HOXA3: variants seen among roughly 807,000 people sequenced by gnomAD.
The protein encoded by HOXA3 is homeobox protein Hox-A3.
HOXA3 carries 8 observed loss-of-function variants against 30.3 expected under a neutral mutation model. That is an observed-to-expected ratio of 0.26 (90% CI 0.15 to 0.48). HOXA3 has a LOEUF of 0.48. Among genes scored for constraint, HOXA3 ranks in the 20% least tolerant of loss-of-function variants. The pLI, the probability that HOXA3 is intolerant of heterozygous loss-of-function variation, is 0.99. For synonymous variants in HOXA3, 323 were observed against 273.1 expected (o/e 1.18, Z -1.80); for missense variants, 653 against 614.4 (o/e 1.06, Z -0.66).
At chr7:27,146,513 A>G (rs1387524474) in intron 1 of HOXA3, among the ~76,000 whole-genome samples, 1 of 152,222 alleles carries the variant, frequency 6.6e-6, no homozygotes, top group African/African-American at 2.4e-5. Flanking sequence ...AATTTTAACA[A>G]TCCGCATTAG....
intron 1 of HOXA3, chr7:27,145,469 T>G: frequency 8.3e-6 from 6 of 719,706 alleles, no homozygotes; most frequent in East Asian, 2.6e-5. Context: ...TTTGTTTTGT[T>G]TTGTTTTGTT....
intron 3 of HOXA3, among the ~76,000 whole-genome samples, chr7:27,125,523 G>A (rs577133319): frequency 1.3e-5 from 2 of 152,316 alleles, no homozygotes; most frequent in South Asian, 2.1e-4. Flanking sequence ...CAGAACACAC[G>A]TCTCTTCCTC....
In HOXA3 at chr7:27,113,044, C is replaced by T. The variant is rs1784466314; in HGVS notation, c.-120-2284G>A. Among the ~76,000 whole-genome samples the T allele has an allele frequency of 6.6e-6, 1 of 152,126 alleles. No homozygotes were observed. On this transcript the variant is annotated intron_variant, in intron 4 of 5. Coordinates refer to ENST00000612286, the MANE Select transcript of HOXA3 (RefSeq NM_153631.3). This position sits in a 1 kb window ranked among gnomAD's most constrained non-coding sequence, Gnocchi z 4.8. The stretch of plus-strand genomic sequence containing the variant: ...CCTTGGAGCTCATACATCCCCCCAC[C>T]CCAACCCAGCCCCCAAAGTTTGCAA...
intron 3 of HOXA3, among the ~76,000 whole-genome samples, chr7:27,124,782 C>A (rs1785207186): frequency 6.6e-6 from 1 of 152,146 alleles, no homozygotes; most frequent in Admixed American, 6.5e-5. Flanking sequence ...AACCAGGGTC[C>A]TTTTTTTGGC....
intron 3 of HOXA3, among the ~76,000 whole-genome samples, chr7:27,125,800 A>G (rs1785256532): frequency 6.6e-6 from 1 of 152,170 alleles, no homozygotes; most frequent in Non-Finnish European, 1.5e-5. Flanking sequence ...CATTCTAAAG[A>G]GTCATTGATC....
intron 1 of HOXA3, among the ~76,000 whole-genome samples, chr7:27,149,798 T>A (rs570050356): frequency 1.8e-4 from 27 of 152,138 alleles, no homozygotes; most frequent in Non-Finnish European, 3.8e-4. Context: ...GTTTGTGTTA[T>A]TTTTTTCTTA....
chr7:27,145,832 G>C (rs750134271), intron 1 of HOXA3: 1 of 1,614,274 alleles, frequency 6.2e-7, no homozygotes. Flanking sequence ...GGTAGCGGTT[G>C]AAGTGGAACT....
At position 27,110,259 on chromosome 7, in the gene HOXA3, G is replaced by A. The variant is rs141597317; in HGVS notation, c.382C>T (p.Pro128Ser). 11 of 1,613,500 alleles carry A rather than the reference G, an allele frequency of 6.8e-6. No homozygotes were observed. In the African/African-American group the frequency reaches 1.3e-4, roughly 20 times the overall value. The change falls in exon 5 of 6, where the codon CCT (proline) becomes TCT (serine). Residue 128 changes from proline (P) to serine (S), a missense_variant. Around this residue, in one of 3 missense-constraint regions of HOXA3, gnomAD observed 320 missense variants for 321.9 expected, o/e 0.99. Transcript: ENST00000612286. ...GTAGGGTTGTTGCTGGCATTCTGAGGAGGGGAGGCAGAAGAGGGAGGCGGG... is the reference window on the plus strand; with the variant it reads ...GTAGGGTTGTTGCTGGCATTCTGAGAAGGGGAGGCAGAAGAGGGAGGCGGG... ...APPPPSSASP[P>S]QNASNNPTPA...
chr7:27,107,879 G>A lies in HOXA3; in HGVS notation c.*36C>T. The A allele has an allele frequency of 7.4e-7, 1 of 1,353,924 alleles. No homozygotes were observed. The highest frequency in any genetic ancestry group is 9.8e-7 in the Non-Finnish European group (1 of 1,023,256). 83.9% of individuals were successfully genotyped at this position (1,353,924 alleles called of 1,614,324 possible). ...CAACCAAAGAAAAAAGGTGGGTGGG[G>A]GGAGACTCTCCTGGCGCGTAGCCCC... is the stretch of plus-strand genomic sequence containing the variant. On this transcript the variant is annotated 3_prime_UTR_variant, in exon 6 of 6. Transcript: ENST00000612286.
At chr7:27,112,220 T>G (rs1318423092) in intron 4 of HOXA3, among the ~76,000 whole-genome samples, 2 of 152,142 alleles carry the variant, frequency 1.3e-5, no homozygotes, top group Non-Finnish European at 2.9e-5. Flanking sequence ...CTCTGACCAC[T>G]CAAGAAAATT....
At chr7:27,132,003 A>G (rs1433653786) in intron 2 of HOXA3, among the ~76,000 whole-genome samples, 1 of 152,246 alleles carries the variant, frequency 6.6e-6, no homozygotes, top group Admixed American at 6.5e-5. Flanking sequence ...TAATTACGCC[A>G]TTATTAACAA....
In HOXA3 at chr7:27,118,779, A is replaced by G. The variant is rs186454497; in HGVS notation, c.-121+3780T>C. Among the ~76,000 whole-genome samples the G allele has an allele frequency of 3.0e-4, 46 of 152,332 alleles. 1 individual carries two copies. Among genetic ancestry groups the G allele is most frequent in the Non-Finnish European group, 5.1e-4 (35 of 68,034 alleles). On this transcript the variant is annotated intron_variant, in intron 4 of 5. Coordinates refer to ENST00000612286, the MANE Select transcript of HOXA3 (RefSeq NM_153631.3). ...CCACAGGCCAGTATATCAAAAGGCAAGGGGCAGGCCCAGAAATAACTGGCC... is the reference window on the plus strand; with the variant it reads ...CCACAGGCCAGTATATCAAAAGGCAGGGGGCAGGCCCAGAAATAACTGGCC...
chr7:27,115,056 G>GAA (rs1784640454), intron 4 of HOXA3, among the ~76,000 whole-genome samples: 1 of 146,280 alleles, frequency 6.8e-6, no homozygotes, highest in African/African-American at 2.5e-5. Flanking sequence ...GTGGCAAAAA[G>GAA]AGAAATGGAG....
intron 1 of HOXA3, chr7:27,147,245 C>G: frequency 6.9e-7 from 1 of 1,439,304 alleles, no homozygotes; most frequent in Non-Finnish European, 9.5e-7. Flanking sequence ...CTGTTTCCTC[C>G]TTCTTTCTTT....
intron 2 of HOXA3, chr7:27,129,523 T>A: frequency 1.2e-6 from 2 of 1,614,044 alleles, no homozygotes; most frequent in Non-Finnish European, 8.5e-7. Flanking sequence ...CTGCCGGGTG[T>A]AGGCGGTTCG....
In HOXA3 at chr7:27,108,099, A is replaced by G; in HGVS notation, c.1148T>C (p.Phe383Ser). Residue 383 changes from phenylalanine to serine, a missense_variant, in exon 6 of 6, where the codon TTT becomes TCT. Transcript: ENST00000612286. This position sits in a 1 kb window ranked among gnomAD's most constrained non-coding sequence, Gnocchi z 5.0. ...AGCGTGGGGGAGGTGAGTTAGACCA[A>G]AGAGGGCTGGCCCGGAGTTGCTCAT... Reference protein sequence around the residue: ...EPMSNSGPALFGLTHLPHAAS... With the variant: ...EPMSNSGPALSGLTHLPHAAS... 6.2e-7 allele frequency: 1 copy of G among 1,611,718 alleles called. No homozygotes were observed. Among genetic ancestry groups the G allele is most frequent in the Non-Finnish European group, 8.5e-7 (1 of 1,178,376 alleles).
chr7:27,121,300 G>C (rs1018387400), intron 4 of HOXA3: 1 of 147,174 alleles, frequency 6.8e-6, no homozygotes, highest in Non-Finnish European at 1.5e-5. Context: ...ATTTCCTGTG[G>C]GTGCAAGTGC....
chr7:27,131,110 A>C (rs1357357882), intron 2 of HOXA3, among the ~76,000 whole-genome samples: 1 of 152,060 alleles, frequency 6.6e-6, no homozygotes, highest in Non-Finnish European at 1.5e-5. Context: ...CTGGGAATTC[A>C]GGCCCTGTCA....
At position 27,110,366 on chromosome 7, in the gene HOXA3, G is replaced by A. The variant is rs1439787224; in HGVS notation, c.275C>T (p.Pro92Leu). Residue 92 changes from proline (P) to leucine (L), a missense_variant, in exon 5 of 6, where the codon CCG becomes CTG. Pro to Leu is a moderately conservative substitution (Grantham distance 98). Transcript: ENST00000612286. ...PPSLGEPPLH[P>L]PPPQAAPPAP... ...AGGGGGCGCGGCCTGGGGCGGCGGC[G>A]GGTGCAGGGGCGGCTCTCCCAGGCT... is the stretch of plus-strand genomic sequence containing the variant. The A allele has an allele frequency of 6.6e-7, 1 of 1,508,040 alleles. No homozygotes were observed. 93.4% of individuals were successfully genotyped at this position (1,508,040 alleles called of 1,614,324 possible). A position where few individuals can be genotyped will look rare whatever the true frequency, so the allele number is the denominator to read the frequency against.
Sources: allele counts gnomAD v4.1 joint callset (sites outside exome capture counted in the v4.1 genomes callset), GRCh38; gene constraint gnomAD v4.1.1; regional missense constraint gnomAD v4.1.1; non-coding constraint Gnocchi (gnomAD v3.1); transcripts MANE v1.5; gene names NCBI Gene and HGNC (gene_info 2026-07-23, HGNC 2026-07-21).